Variants in EDIL3 observed in about 807,000 individuals in gnomAD.
EDIL3 encodes EGF-like repeat and discoidin I-like domain-containing protein 3.
A neutral mutation model predicts 67.4 loss-of-function variants in EDIL3; 37 were observed. The ratio of observed to expected loss-of-function variants is 0.55; its 90% CI spans 0.42 to 0.72. The LOEUF (loss-of-function observed/expected upper bound fraction) is 0.72, where lower values mean the gene tolerates loss of function less well. Among genes scored for constraint, EDIL3 ranks in the 30% least tolerant of loss-of-function variants. The pLI is 0.00. For missense variants in EDIL3, 527 were observed against 586.3 expected (o/e 0.90, Z 1.04); for synonymous variants, 195 against 196.3 (o/e 0.99, Z 0.05).
At chr5:83,994,386 T>C (rs1745201685) in intron 9 of EDIL3, among the ~76,000 whole-genome samples, 1 of 151,956 alleles carries the variant, frequency 6.6e-6, no homozygotes, top group Admixed American at 6.6e-5. Flanking sequence ...AAGGCTTTTT[T>C]TTTTTTCATT....
rs575823522 is a variant in EDIL3, at chr5:84,168,943, C to T, written c.355+11450G>A. On this transcript the variant is annotated intron_variant, in intron 4 of 10. Transcript: ENST00000296591. ...AAAGTCCTCTCTATGGCTTACACGTCCTTGACTATTGCTCAGGTCCTCTTT... is the reference window on the plus strand; with the variant it reads ...AAAGTCCTCTCTATGGCTTACACGTTCTTGACTATTGCTCAGGTCCTCTTT... Among the ~76,000 whole-genome samples, 6 of 152,294 alleles carry T rather than the reference C, an allele frequency of 3.9e-5. No individual in the cohort carries two copies. The Middle Eastern group carries it at 0.01, about 259-fold the overall frequency.
At chr5:84,074,726 T>C (rs1200926767) in intron 6 of EDIL3, among the ~76,000 whole-genome samples, 9 of 151,944 alleles carry the variant, frequency 5.9e-5, no homozygotes, top group Admixed American at 4.6e-4. Flanking sequence ...TGTGGAGAAA[T>C]AGGAACACTT....
intron 3 of EDIL3, among the ~76,000 whole-genome samples, chr5:84,205,594 G>A (rs574135554): frequency 1.3e-5 from 2 of 152,136 alleles, no homozygotes; most frequent in African/African-American, 4.8e-5. Flanking sequence ...TTCAGATCCT[G>A]TTATTGGTCT....
At chr5:84,058,152 A>T (rs899283306) in intron 9 of EDIL3, among the ~76,000 whole-genome samples, 1 of 152,110 alleles carries the variant, frequency 6.6e-6, no homozygotes, top group Non-Finnish European at 1.5e-5. Context: ...GACATTTATA[A>T]AGGAATGGGA....
chr5:84,107,406 G>A (rs1382815405), intron 5 of EDIL3, among the ~76,000 whole-genome samples: 1 of 151,510 alleles, frequency 6.6e-6, no homozygotes, highest in Non-Finnish European at 1.5e-5. Flanking sequence ...AATACCCCAT[G>A]ATATATTATA....
rs114691237 is a variant in EDIL3, at chr5:83,983,523, T to C, written c.1138-20163A>G. On this transcript the variant is annotated intron_variant, in intron 9 of 10. Coordinates refer to ENST00000296591, the MANE Select transcript of EDIL3 (RefSeq NM_005711.5). ...AAAAGATCTCTTGAGACCAAAGTTT[T>C]AAGGTGGAGTATTAAGAACTTCATG... Among the ~76,000 whole-genome samples, 869 of 152,180 alleles carry C rather than the reference T, an allele frequency of 5.7e-3. 5 individuals are homozygous for C. The highest frequency in any genetic ancestry group is 0.014 in the Middle Eastern group (4 of 294).
intron 9 of EDIL3, among the ~76,000 whole-genome samples, chr5:84,012,203 CAG>C (rs1443187927): frequency 6.6e-6 from 1 of 152,206 alleles, no homozygotes; most frequent in East Asian, 1.9e-4. Flanking sequence ...CAGAGTTAGA[CAG>C]AGTTCAACTT....
intron 1 of EDIL3, among the ~76,000 whole-genome samples, chr5:84,339,282 G>T (rs2112174997): frequency 6.6e-6 from 1 of 152,272 alleles, no homozygotes; most frequent in Non-Finnish European, 1.5e-5. Flanking sequence ...TAGGGCAGTA[G>T]TAAGGGTTGG....
At chr5:84,140,310 T>C (rs1398434171) in intron 4 of EDIL3, among the ~76,000 whole-genome samples, 1 of 152,196 alleles carries the variant, frequency 6.6e-6, no homozygotes, top group Admixed American at 6.5e-5. Flanking sequence ...ATTTGTAATG[T>C]TAATAGAAGG....
chr5:84,263,473 A>T (rs1745276763), intron 1 of EDIL3, among the ~76,000 whole-genome samples: 1 of 152,204 alleles, frequency 6.6e-6, no homozygotes, highest in South Asian at 2.1e-4. Context: ...CAGGAGTTAG[A>T]TGAAAGCATG....
chr5:84,382,076 G>A (rs532279936), intron 1 of EDIL3, among the ~76,000 whole-genome samples: 1 of 152,344 alleles, frequency 6.6e-6, no homozygotes, highest in Admixed American at 6.5e-5. Context: ...TCTGCCTTCT[G>A]CAGAGGTGAG....
At chr5:84,129,439 C>A (rs1021891072) in intron 5 of EDIL3, among the ~76,000 whole-genome samples, 1 of 151,880 alleles carries the variant, frequency 6.6e-6, no homozygotes, top group African/African-American at 2.4e-5. Flanking sequence ...ATGTTATGCA[C>A]CTCAGATTTA....
chr5:84,078,605 A>T (rs1253031008), intron 6 of EDIL3: 1 of 152,186 alleles, frequency 6.6e-6, no homozygotes, highest in South Asian at 2.1e-4. Context: ...TAACAATTTA[A>T]TATTAAATGG....
chr5:84,257,839 A>G (rs539329019), intron 1 of EDIL3, among the ~76,000 whole-genome samples: 1 of 152,276 alleles, frequency 6.6e-6, no homozygotes, highest in South Asian at 2.1e-4. Context: ...AGGGGATGAG[A>G]GCAAAGAGAA....
chr5:84,382,266 G>C (rs543825954), intron 1 of EDIL3, among the ~76,000 whole-genome samples: 2 of 152,232 alleles, frequency 1.3e-5, no homozygotes, highest in Non-Finnish European at 2.9e-5. Context: ...CCAGGATGGA[G>C]AGTCCAGGCA....
chr5:84,247,707 G>A (rs962973228), intron 2 of EDIL3, among the ~76,000 whole-genome samples: 1 of 151,788 alleles, frequency 6.6e-6, no homozygotes. Context: ...AGGTAAAAGA[G>A]GATAAGAGAA....
At chr5:84,382,124 G>C (rs898774566) in intron 1 of EDIL3, among the ~76,000 whole-genome samples, 8 of 152,190 alleles carry the variant, frequency 5.3e-5, no homozygotes, top group Non-Finnish European at 1.2e-4. Flanking sequence ...TTAACAGAAA[G>C]GGCTAATGCA....
chr5:84,282,683 C>A (rs957021816), intron 1 of EDIL3, among the ~76,000 whole-genome samples: 1 of 152,144 alleles, frequency 6.6e-6, no homozygotes, highest in Non-Finnish European at 1.5e-5. Flanking sequence ...GTTTTTCAAG[C>A]AGTGGTATCT....
intron 5 of EDIL3, among the ~76,000 whole-genome samples, chr5:84,112,332 A>G (rs1210112778): frequency 1.3e-5 from 2 of 152,204 alleles, no homozygotes; most frequent in African/African-American, 4.8e-5. Context: ...GGAAGAGTTC[A>G]AAAATATTTA....
Sources: gnomAD v4.1 joint callset for allele counts (sites outside exome capture counted in the v4.1 genomes callset) on GRCh38, gnomAD v4.1.1 for gene constraint, MANE v1.5 for transcripts, NCBI Gene and HGNC (gene_info 2026-07-23, HGNC 2026-07-21) for gene names.